Variants in ST6GAL1 observed in about 807,000 individuals in gnomAD.
ST6GAL1 encodes ST6 beta-galactoside alpha-2,6-sialyltransferase 1.
ST6GAL1 carries 20 observed loss-of-function variants against 38.0 expected under a neutral mutation model. The ratio of observed to expected loss-of-function variants is 0.53; its 90% CI spans 0.37 to 0.77. ST6GAL1 has a LOEUF of 0.77. ST6GAL1 is among the 30% of genes least tolerant of loss of function. The pLI is 0.00. For missense variants in ST6GAL1, 432 were observed against 496.4 expected (o/e 0.87, Z 1.23); for synonymous variants, 196 against 188.2 (o/e 1.04, Z -0.34).
At chr3:187,010,204 A>G (rs1242172875) in intron 2 of ST6GAL1, among the ~76,000 whole-genome samples, 1 of 152,164 alleles carries the variant, frequency 6.6e-6, no homozygotes, top group East Asian at 1.9e-4. Flanking sequence ...TTAAAAGAGA[A>G]TGGTCATTTT....
intron 5 of ST6GAL1, among the ~76,000 whole-genome samples, chr3:187,071,776 CAAAAAAAA>C (rs11330261): frequency 0.011 from 830 of 72,348 alleles, 18 homozygotes; most frequent in African/African-American, 0.038. Context: ...GACTCCGCCT[CAAAAAAAA>C]AAAAAAAAAA....
At chr3:187,024,326 C>T (rs2108567634) in intron 2 of ST6GAL1, among the ~76,000 whole-genome samples, 1 of 151,728 alleles carries the variant, frequency 6.6e-6, no homozygotes, top group South Asian at 2.1e-4. Context: ...ATCTCCTGAC[C>T]TCGTGATCTG....
intron 5 of ST6GAL1, among the ~76,000 whole-genome samples, chr3:187,058,049 G>T (rs9877931): frequency 0.099 from 15,018 of 152,252 alleles, 2,484 homozygotes; most frequent in African/African-American, 0.34. Context: ...GTCGATCTCA[G>T]ACTGCTGCAC....
At chr3:187,026,031 A>AT (rs1717523124) in intron 2 of ST6GAL1, among the ~76,000 whole-genome samples, 1 of 152,184 alleles carries the variant, frequency 6.6e-6, no homozygotes, top group Non-Finnish European at 1.5e-5. Context: ...ACCATGAGCC[A>AT]TGCAGGTGGG....
At chr3:186,954,239 C>T (rs1023351767) in intron 1 of ST6GAL1, among the ~76,000 whole-genome samples, 5 of 152,122 alleles carry the variant, frequency 3.3e-5, no homozygotes, top group African/African-American at 9.7e-5. Flanking sequence ...CACTGATGGA[C>T]GTTTGGGTTG....
chr3:187,026,393 A>G (rs921974585), intron 2 of ST6GAL1, among the ~76,000 whole-genome samples: 57 of 152,330 alleles, frequency 3.7e-4, no homozygotes, highest in African/African-American at 1.3e-3. Context: ...CAGGAATTAA[A>G]TGAGCTTCAC....
chr3:187,029,481 C>G (rs542764494), intron 2 of ST6GAL1, among the ~76,000 whole-genome samples: 25 of 152,220 alleles, frequency 1.6e-4, no homozygotes, highest in African/African-American at 5.5e-4. Context: ...TGAGGAAGTT[C>G]TAATCTGGCA....
Position 187,051,253 on chromosome 3 carries a change from T to A in ST6GAL1, c.612T>A (p.Asp204Glu). The change falls in exon 5 of 8, where the codon GAT becomes GAA. Residue 204 changes from aspartate (D) to glutamate (E), a missense_variant. Physicochemically the swap from Asp to Glu is conservative, Grantham distance 45. Coordinates refer to ENST00000169298, the MANE Select transcript of ST6GAL1 (RefSeq NM_173216.2). ...CTGTTTCTTTGTGGTTTATAGATGA[T>A]CATGACGCAGTCCTGAGGTTTAATG... ...KSSQLGREID[D>E]HDAVLRFNGA... 6.2e-7 allele frequency: 1 copy of A among 1,614,040 alleles called. No homozygotes were observed. Among genetic ancestry groups the A allele is most frequent in the South Asian group, 1.1e-5 (1 of 91,074 alleles).
intron 2 of ST6GAL1, among the ~76,000 whole-genome samples, chr3:186,982,153 T>C (rs1715716553): frequency 1.3e-5 from 2 of 152,238 alleles, no homozygotes; most frequent in South Asian, 4.1e-4. Context: ...ATTATGCTTA[T>C]ACCATTTTGC....
intron 4 of ST6GAL1, among the ~76,000 whole-genome samples, chr3:187,048,917 G>GTTTTTTTT (rs1718408680): frequency 8.8e-6 from 1 of 114,228 alleles, no homozygotes; most frequent in African/African-American, 4.0e-5. Flanking sequence ...TTGAGAATGA[G>GTTTTTTTT]TCTTGTTCTG....
At chr3:187,053,639 T>C (rs1718589532) in intron 5 of ST6GAL1, among the ~76,000 whole-genome samples, 2 of 152,352 alleles carry the variant, frequency 1.3e-5, no homozygotes, top group Admixed American at 6.5e-5. Flanking sequence ...GAGGCCTCTG[T>C]TCTGTTCTAT....
In ST6GAL1 at chr3:187,051,332, C is replaced by T. The variant is rs139818568; in HGVS notation, c.691C>T (p.Leu231=). 1.2e-6 allele frequency: 2 copies of T among 1,614,090 alleles called. No homozygotes were observed. The highest frequency in any genetic ancestry group is 4.5e-5 in the East Asian group (2 of 44,878). The change falls in exon 5 of 8, where the codon CTG becomes TTG. Residue 231 remains leucine (L), a synonymous_variant. Coordinates refer to ENST00000169298, the MANE Select transcript of ST6GAL1 (RefSeq NM_173216.2). ...TGTGGGCACAAAAACTACCATTCGCCTGATGAACTCTCAGGTAAAATTTCT... is the reference window on the plus strand; with the variant it reads ...TGTGGGCACAAAAACTACCATTCGCTTGATGAACTCTCAGGTAAAATTTCT... ...QDVGTKTTIR[L]MNSQLVTTEK... is the part of the protein sequence containing the mutation.
chr3:187,056,045 C>T (rs58291903), intron 5 of ST6GAL1, among the ~76,000 whole-genome samples: 2,810 of 152,254 alleles, frequency 0.018, 96 homozygotes, highest in African/African-American at 0.065. Context: ...CAATCGATCC[C>T]TTTACCATTA....
chr3:186,979,793 G>A (rs1056936150), intron 2 of ST6GAL1, among the ~76,000 whole-genome samples: 5 of 152,056 alleles, frequency 3.3e-5, no homozygotes, highest in Admixed American at 6.6e-5. Flanking sequence ...TTAATGCTTC[G>A]GAGATGGTCA....
intron 4 of ST6GAL1, 69 bp from the exon 5 acceptor site, chr3:187,051,180 C>T (rs1356987847): frequency 7.2e-7 from 1 of 1,396,458 alleles, no homozygotes; most frequent in African/African-American, 1.4e-5. Flanking sequence ...TCCCCCGCCT[C>T]TCGTCTTTCT....
intron 2 of ST6GAL1, among the ~76,000 whole-genome samples, chr3:187,005,629 A>G (rs1183394184): frequency 6.6e-6 from 1 of 152,064 alleles, no homozygotes; most frequent in East Asian, 1.9e-4. Context: ...ATGAAGCTCT[A>G]CTTTCTCTTA....
chr3:186,959,415 C>T (rs1714859549), intron 1 of ST6GAL1, among the ~76,000 whole-genome samples: 1 of 152,120 alleles, frequency 6.6e-6, no homozygotes, highest in Non-Finnish European at 1.5e-5. Flanking sequence ...CTCTTGTCAC[C>T]TCATCTGAAA....
At position 187,042,653 on chromosome 3, in the gene ST6GAL1, G is replaced by A; in HGVS notation, c.-50-1G>A. 1 of 1,535,124 alleles carries A rather than the reference G, an allele frequency of 6.5e-7. No individual in the cohort carries two copies. Among genetic ancestry groups the A allele is most frequent in the South Asian group, 1.3e-5 (1 of 76,274 alleles). ...GTTTTTCCTTGTCTCACTTTTTTTA[G>A]GCTTGTTTTCCTGCTCAGAACAAAG... On this transcript the variant is annotated splice_acceptor_variant, in intron 3 of 7. Coordinates refer to ENST00000169298, the MANE Select transcript of ST6GAL1 (RefSeq NM_173216.2). LOFTEE classifies it low-confidence loss of function (5UTR_SPLICE).
chr3:186,981,983 TC>T (rs1440295066), intron 2 of ST6GAL1, among the ~76,000 whole-genome samples: 9 of 151,048 alleles, frequency 6.0e-5, no homozygotes, highest in African/African-American at 2.2e-4. Flanking sequence ...CATTTAATTC[TC>T]CTAACAACTC....
Sources: allele counts gnomAD v4.1 joint callset (sites outside exome capture counted in the v4.1 genomes callset), GRCh38; gene constraint gnomAD v4.1.1; transcripts MANE v1.5; gene names NCBI Gene and HGNC (gene_info 2026-07-23, HGNC 2026-07-21).